The following SHPRH variants were observed in gnomAD, a reference collection of about 807,000 sequenced individuals.
SHPRH encodes the protein SNF2 histone linker PHD RING helicase.
SHPRH carries 106 observed loss-of-function variants against 202.5 expected under a neutral mutation model. The observed-to-expected ratio is 0.52, with a 90% CI of 0.45 to 0.62. SHPRH has a LOEUF of 0.62. SHPRH is among the 20% of genes least tolerant of loss of function. The pLI, the probability that SHPRH is intolerant of heterozygous loss-of-function variation, is 0.00. For synonymous variants in SHPRH, 729 were observed against 686.0 expected, an observed-to-expected ratio of 1.06 and a Z score of -0.98; for missense variants, 1,710 against 2,020.0, an observed-to-expected ratio of 0.85 and a Z score of 2.94.
intron 29 of SHPRH, among the ~76,000 whole-genome samples, chr6:145,887,639 G>C (rs745316498): frequency 6.6e-6 from 1 of 150,718 alleles, no homozygotes; most frequent in East Asian, 2.0e-4. Context: ...GGGTTCAAGC[G>C]ATTCTCCTGC....
rs555163840 is a variant in SHPRH, at chr6:145,944,091, C to T, written c.1579-289G>A. On this transcript the variant is annotated intron_variant, in intron 8 of 29. Coordinates refer to ENST00000275233, the MANE Select transcript of SHPRH (RefSeq NM_001042683.3). ...TGTTATTTACCTACTATGATTTAGT[C>T]TACCTAAATCAATACAAGACTAGTA... Among the ~76,000 whole-genome samples, 45 of 152,214 alleles carry T rather than the reference C, an allele frequency of 3.0e-4. 2 individuals carry two copies. In the South Asian group the frequency reaches 9.1e-3, roughly 31 times the overall value.
intron 2 of SHPRH, among the ~76,000 whole-genome samples, chr6:145,879,295 T>G (rs1002406172): frequency 6.6e-6 from 1 of 152,134 alleles, no homozygotes; most frequent in Admixed American, 6.5e-5. Context: ...TTTTCTCTGT[T>G]TACTAACTTT....
At chr6:145,916,753 C>T (rs562281277) in intron 23 of SHPRH, among the ~76,000 whole-genome samples, 8 of 151,878 alleles carry the variant, frequency 5.3e-5, no homozygotes, top group African/African-American at 1.2e-4. Context: ...ATTTAAAAAA[C>T]TTATGTTCAG....
chr6:145,877,664 G>A lies in SHPRH; in HGVS notation c.221+10356C>T, dbSNP rs1780365458. 2.0e-5 allele frequency: 3 copies of A among 152,186 alleles called. No individual in the cohort carries two copies. The South Asian group carries it at 6.2e-4, about 32-fold the overall frequency. The allele number at this position is 152,186 out of a possible 1,614,324, so 9.4% of individuals were successfully genotyped here. Reference sequence around the variant, plus strand: ...AGATCCAGTGGATAATCAACTAAGAGCTAGGCATCCTTTTAGATTTGATAA... The same window carrying A: ...AGATCCAGTGGATAATCAACTAAGAACTAGGCATCCTTTTAGATTTGATAA... On this transcript the variant is annotated intron_variant, in intron 2 of 2. Transcript: ENST00000417762.
At chr6:145,952,835 A>G (rs1240104042) in intron 2 of SHPRH, among the ~76,000 whole-genome samples, 1 of 152,102 alleles carries the variant, frequency 6.6e-6, no homozygotes. Context: ...TCCCCAGAAG[A>G]TTATGACATA....
chr6:145,875,645 C>G (rs769609082), intron 2 of SHPRH, among the ~76,000 whole-genome samples: 7 of 152,132 alleles, frequency 4.6e-5, no homozygotes, highest in Non-Finnish European at 1.0e-4. Flanking sequence ...CCAGATTAGA[C>G]CTTCACCCAA....
chr6:145,895,404 G>A (rs1421854262), intron 25 of SHPRH, among the ~76,000 whole-genome samples: 1 of 151,950 alleles, frequency 6.6e-6, no homozygotes, highest in East Asian at 1.9e-4. Flanking sequence ...CCCAATGTAA[G>A]CAAACAGTGA....
At chr6:145,868,239 C>T (rs183230787) in intron 2 of SHPRH, among the ~76,000 whole-genome samples, 16 of 152,242 alleles carry the variant, frequency 1.1e-4, no homozygotes, top group Admixed American at 9.2e-4. Flanking sequence ...CCTCATTATA[C>T]CTAAATTACC....
downstream of SHPRH, among the ~76,000 whole-genome samples, chr6:145,883,050 C>A (rs1334646173): frequency 6.6e-6 from 1 of 151,642 alleles, no homozygotes; most frequent in African/African-American, 2.4e-5. Context: ...ACTGGAGAGA[C>A]AAAGATAACA....
intron 26 of SHPRH, 67 bp downstream of exon 26, chr6:145,894,818 G>A: frequency 6.9e-7 from 1 of 1,451,618 alleles, no homozygotes; most frequent in Non-Finnish European, 9.6e-7. Context: ...TTAGTTCTCA[G>A]CTGTAAACTG....
chr6:145,880,017 A>G (rs1006669601), downstream of SHPRH, among the ~76,000 whole-genome samples: 1 of 152,066 alleles, frequency 6.6e-6, no homozygotes, highest in East Asian at 1.9e-4. Flanking sequence ...TCTCTACCCA[A>G]TGAGGGAGAA....
intron 3 of SHPRH, chr6:145,951,642 C>G (rs1266393470): frequency 3.3e-6 from 1 of 305,106 alleles, no homozygotes; most frequent in Non-Finnish European, 6.8e-6. Flanking sequence ...TTTAAAGTAT[C>G]TAACTTGCAA....
chr6:145,921,498 A>G, intron 20 of SHPRH, 106 bp from the exon 21 acceptor site: 2 of 1,142,250 alleles, frequency 1.8e-6, no homozygotes, highest in South Asian at 3.1e-5. Context: ...TGGAAAAACC[A>G]AAGCAACCTT....
chr6:145,898,403 A>G (rs963928459), intron 25 of SHPRH, among the ~76,000 whole-genome samples: 5 of 152,072 alleles, frequency 3.3e-5, no homozygotes, highest in African/African-American at 1.2e-4. Context: ...ATTATATAAC[A>G]TAATCTATAG....
chr6:145,901,275 C>A (rs1782484222), intron 25 of SHPRH, among the ~76,000 whole-genome samples: 1 of 152,058 alleles, frequency 6.6e-6, no homozygotes, highest in Non-Finnish European at 1.5e-5. Flanking sequence ...ATGTTTTATA[C>A]CGCCTTAATG....
intron 1 of SHPRH, among the ~76,000 whole-genome samples, chr6:145,961,097 C>T (rs566220031): frequency 2.0e-5 from 3 of 152,146 alleles, no homozygotes; most frequent in Admixed American, 6.5e-5. Flanking sequence ...CAGCCCGGTT[C>T]TAACAGGCCA....
intron 2 of SHPRH, among the ~76,000 whole-genome samples, chr6:145,866,552 G>A (rs1408862344): frequency 1.3e-5 from 2 of 150,198 alleles, no homozygotes; most frequent in South Asian, 2.1e-4. Flanking sequence ...CAAACAGGAC[G>A]TGGTTTTATC....
chr6:145,901,154 TG>T (rs557075611), intron 25 of SHPRH, among the ~76,000 whole-genome samples: 43 of 152,170 alleles, frequency 2.8e-4, no homozygotes, highest in African/African-American at 1.0e-3. Flanking sequence ...TATACAAAGA[TG>T]AAAAAATACA....
At chr6:145,938,315 G>T (rs1786342018) in intron 11 of SHPRH, among the ~76,000 whole-genome samples, 1 of 152,132 alleles carries the variant, frequency 6.6e-6, no homozygotes, top group Non-Finnish European at 1.5e-5. Flanking sequence ...ACCATGAGAT[G>T]ATCCTCGCCA....
Sources: allele counts gnomAD v4.1 joint callset (sites outside exome capture counted in the v4.1 genomes callset), GRCh38; gene constraint gnomAD v4.1.1; transcripts MANE v1.5; gene names NCBI Gene and HGNC (gene_info 2026-07-23, HGNC 2026-07-21).